Variants in PRPF6 observed in about 807,000 individuals in gnomAD.
PRPF6 encodes the protein pre-mRNA processing factor 6.
A neutral mutation model predicts 118.3 loss-of-function variants in PRPF6; 42 were observed. That is an observed-to-expected ratio of 0.35 (90% CI 0.28 to 0.46). The LOEUF is 0.46. PRPF6 is among the 20% of genes least tolerant of loss of function. PRPF6 has a pLI of 1.00. For missense variants in PRPF6, 662 were observed against 1,255.7 expected, an observed-to-expected ratio of 0.53 and a Z score of 7.15; for synonymous variants, 481 against 485.1, an observed-to-expected ratio of 0.99 and a Z score of 0.11.
At chr20:63,988,310 ACT>A (rs2059103703) in intron 3 of PRPF6, among the ~76,000 whole-genome samples, 1 of 146,274 alleles carries the variant, frequency 6.8e-6, no homozygotes. Flanking sequence ...ACGGGGCAAG[ACT>A]CTGTCTCAAA....
intron 2 of PRPF6, among the ~76,000 whole-genome samples, chr20:63,984,491 A>C (rs817357): frequency 0.22 from 33,263 of 151,994 alleles, 4,100 homozygotes; most frequent in African/African-American, 0.32. Flanking sequence ...GTGCCCCCCC[A>C]AAAAAAAGTT....
intron 2 of PRPF6, among the ~76,000 whole-genome samples, 165 bp from the exon 3 acceptor site, chr20:63,984,742 G>A (rs2059086194): frequency 6.6e-6 from 1 of 152,150 alleles, no homozygotes; most frequent in African/African-American, 2.4e-5. Flanking sequence ...TGCCCTTGAC[G>A]CTTGAAGAGT....
In PRPF6 at chr20:64,025,930, G is replaced by A. The variant is rs202026101; in HGVS notation, c.1909-9G>A. On this transcript the variant is annotated splice_polypyrimidine_tract_variant and intron_variant, in intron 14 of 20. Coordinates refer to ENST00000266079, the MANE Select transcript of PRPF6 (RefSeq NM_012469.4). ...GACCCCTCTTGACGCTGCTGTACTT[G>A]CCCTTCAGGCCAACCCCAACAGTGA... 6.2e-7 allele frequency: 1 copy of A among 1,613,574 alleles called. No individual in the cohort carries two copies. Among genetic ancestry groups the A allele is most frequent in the African/African-American group, 1.3e-5 (1 of 75,078 alleles).
At chr20:64,006,566 C>T (rs189939073) in intron 9 of PRPF6, among the ~76,000 whole-genome samples, 25 of 152,206 alleles carry the variant, frequency 1.6e-4, no homozygotes, top group Admixed American at 5.2e-4. Context: ...ATGATCCACC[C>T]GCTTCAGCTT....
chr20:63,999,662 C>T lies in PRPF6; in HGVS notation c.926C>T (p.Pro309Leu), dbSNP rs1193207562. The T allele has an allele frequency of 1.2e-6, 2 of 1,614,176 alleles. No homozygotes were observed. Among genetic ancestry groups the T allele is most frequent in the Admixed American group, 1.7e-5 (1 of 60,008 alleles). ...KSVRETNPHH[P>L]PAWIASARLE... ...GTTCGGGAGACGAACCCTCATCACC[C>T]GCCAGCCTGGATTGCATCAGCCCGC... Residue 309 changes from proline (P) to leucine (L), a missense_variant, in exon 8 of 21, where the codon CCG (proline) becomes CTG (leucine). Pro to Leu is a moderately conservative substitution (Grantham distance 98). This residue lies in a region of PRPF6 where 71 missense variants were observed against 166.4 expected (regional missense o/e 0.43). Coordinates refer to ENST00000266079, the MANE Select transcript of PRPF6 (RefSeq NM_012469.4).
chr20:63,993,321 T>C, intron 3 of PRPF6, 86 bp from the exon 4 acceptor site: 2 of 885,524 alleles, frequency 2.3e-6, no homozygotes, highest in Non-Finnish European at 3.7e-6. Flanking sequence ...GAATTGTTCT[T>C]TTTGGTGATT....
intron 11 of PRPF6, among the ~76,000 whole-genome samples, chr20:64,013,610 A>AT (rs1012542658): frequency 2.0e-5 from 3 of 151,568 alleles, no homozygotes; most frequent in African/African-American, 4.8e-5. Context: ...TGCTTGGCCA[A>AT]TTTTTTTTAT....
intron 9 of PRPF6, among the ~76,000 whole-genome samples, chr20:64,005,387 C>G (rs1307234739): frequency 1.3e-5 from 2 of 152,148 alleles, no homozygotes; most frequent in African/African-American, 4.8e-5. Context: ...GGAAGTAGTT[C>G]ATATTTAGAC....
rs185108213 is a variant in PRPF6, at chr20:64,031,528, C to T, written c.2547-390C>T. Reference sequence around the variant, plus strand: ...TCTCTACTAAAAATACAAAAATTAGCCGGGTGTGGTGGCGCATGCCTGTAA... The same window carrying T: ...TCTCTACTAAAAATACAAAAATTAGTCGGGTGTGGTGGCGCATGCCTGTAA... On this transcript the variant is annotated intron_variant, in intron 19 of 20. Coordinates refer to ENST00000266079, the MANE Select transcript of PRPF6 (RefSeq NM_012469.4). Among the ~76,000 whole-genome samples, 3 of 152,070 alleles carry T rather than the reference C, an allele frequency of 2.0e-5. No individual in the cohort carries two copies. In the East Asian group the frequency reaches 5.8e-4, roughly 29 times the overall value.
chr20:64,023,820 C>T (rs902131338), intron 13 of PRPF6, among the ~76,000 whole-genome samples: 1 of 152,238 alleles, frequency 6.6e-6, no homozygotes, highest in Non-Finnish European at 1.5e-5. Flanking sequence ...GAACTGCTGC[C>T]CTTGACCCCT....
In PRPF6 at chr20:64,027,691, T is replaced by C. The variant is rs1248272790; in HGVS notation, c.2294T>C (p.Ile765Thr). 6.2e-7 allele frequency: 1 copy of C among 1,613,810 alleles called. No homozygotes were observed. Among genetic ancestry groups the C allele is most frequent in the Non-Finnish European group, 8.5e-7 (1 of 1,179,954 alleles). ...GGGCAGCTTACTCGAGCACGGGCCA[T>C]TTTGGAAAAGTCTCGTCTGAAGAAC... ...KIGQLTRARA[I>T]LEKSRLKNPK... is the part of the protein sequence containing the mutation. The change falls in exon 17 of 21, where the codon ATT becomes ACT. Residue 765 changes from isoleucine to threonine, a missense_variant. Around this residue, in one of 10 missense-constraint regions of PRPF6, gnomAD observed 244 missense variants for 383.7 expected, o/e 0.64. Coordinates refer to ENST00000266079, the MANE Select transcript of PRPF6 (RefSeq NM_012469.4). This position sits in a 1 kb window ranked among gnomAD's most constrained non-coding sequence, Gnocchi z 6.5.
chr20:64,032,745 C>G, intron 20 of PRPF6, 96 bp from the exon 21 acceptor site: 1 of 1,492,116 alleles, frequency 6.7e-7, no homozygotes, highest in Non-Finnish European at 9.0e-7. Context: ...GTTGGTGCTG[C>G]CAGGGCCAGG....
chr20:64,029,320 C>T lies in PRPF6; in HGVS notation c.2432-57C>T. Reference sequence around the variant, plus strand: ...CGGGTTAGAATCTGTAGGCTGGGCACCTTTCCGGAACCAGAGGCTGGAGTG... The same window carrying T: ...CGGGTTAGAATCTGTAGGCTGGGCATCTTTCCGGAACCAGAGGCTGGAGTG... On this transcript the variant is annotated intron_variant, in intron 18 of 20. Coordinates refer to ENST00000266079, the MANE Select transcript of PRPF6 (RefSeq NM_012469.4). This position sits in a 1 kb window ranked among gnomAD's most constrained non-coding sequence, Gnocchi z 4.8. 2 of 1,525,848 alleles carry T rather than the reference C, an allele frequency of 1.3e-6. No individual in the cohort carries two copies. Among genetic ancestry groups the T allele is most frequent in the Non-Finnish European group, 1.8e-6 (2 of 1,101,218 alleles). 94.5% of individuals were successfully genotyped at this position (1,525,848 alleles called of 1,614,324 possible).
intron 9 of PRPF6, among the ~76,000 whole-genome samples, chr20:64,003,540 C>A (rs1215853425): frequency 6.6e-6 from 1 of 152,172 alleles, no homozygotes; most frequent in Non-Finnish European, 1.5e-5. Context: ...TTTCCTCTGT[C>A]GAGGCTGGTT....
intron 3 of PRPF6, among the ~76,000 whole-genome samples, chr20:63,986,699 A>G (rs2059095356): frequency 6.6e-6 from 1 of 151,586 alleles, no homozygotes; most frequent in Non-Finnish European, 1.5e-5. Flanking sequence ...TGTGTTAGCC[A>G]GGATGGTCTT....
chr20:64,020,185 G>A (rs113406718), intron 12 of PRPF6, among the ~76,000 whole-genome samples: 1 of 152,188 alleles, frequency 6.6e-6, no homozygotes, highest in African/African-American at 2.4e-5. Flanking sequence ...GGAGGCCGAG[G>A]TGGGTGGATC....
At chr20:64,001,283 C>T in intron 9 of PRPF6, 44 bp downstream of exon 9, 1 of 1,608,282 alleles carries the variant, frequency 6.2e-7, no homozygotes, top group South Asian at 1.1e-5. Flanking sequence ...CCTTGGGGCC[C>T]CTCCTCTCAG....
rs1458748672 is a variant in PRPF6 at position 64,029,695 on chromosome 20, T to TCACTGGGGACGCATGTGATTCA, written c.2546+211_2546+232dup. Among the ~76,000 whole-genome samples, 1 of 112,640 alleles carries TCACTGGGGACGCATGTGATTCA rather than the reference T, an allele frequency of 8.9e-6. No individual in the cohort carries two copies. The highest frequency in any genetic ancestry group is 2.0e-5 in the Non-Finnish European group (1 of 49,314). The allele number at this position is 112,640 out of a possible 152,430, so 73.9% of individuals were successfully genotyped here. A position where few individuals can be genotyped will look rare whatever the true frequency, so the allele number is the denominator to read the frequency against. ...ACCTGAGGGTGCCGTGGTCAGAGAC[T>TCACTGGGGACGCATGTGATTCA]CACTGGGGACGCATGTGATTCACAC... is the stretch of plus-strand genomic sequence containing the variant. On this transcript the variant is annotated intron_variant, in intron 19 of 20. Coordinates refer to ENST00000266079, the MANE Select transcript of PRPF6 (RefSeq NM_012469.4). The surrounding 1 kb of genome is among the most constrained non-coding windows in gnomAD (Gnocchi z 4.8).
At chr20:64,032,772 G>T in intron 20 of PRPF6, 69 bp from the exon 21 acceptor site, 6 of 1,545,650 alleles carry the variant, frequency 3.9e-6, no homozygotes, top group Non-Finnish European at 5.2e-6. Flanking sequence ...GGGGCCAGGC[G>T]AGAAGCAGGC....
Sources: gnomAD v4.1 joint callset for allele counts (sites outside exome capture counted in the v4.1 genomes callset) on GRCh38, gnomAD v4.1.1 for gene constraint, gnomAD v4.1.1 regional missense constraint, Gnocchi (gnomAD v3.1) non-coding constraint, MANE v1.5 for transcripts, NCBI Gene and HGNC (gene_info 2026-07-23, HGNC 2026-07-21) for gene names.